Variants in IQGAP2 observed in about 807,000 individuals in gnomAD.
IQGAP2 encodes the protein ras GTPase-activating-like protein IQGAP2.
A neutral mutation model predicts 201.3 loss-of-function variants in IQGAP2; 173 were observed. The observed-to-expected ratio is 0.86, with a 90% confidence interval of 0.76 to 0.98. The LOEUF is 0.98. IQGAP2 is among the 50% of genes least tolerant of loss of function. IQGAP2 has a pLI of 0.00. For synonymous variants in IQGAP2, 675 were observed against 673.9 expected (o/e 1.00, Z -0.03); for missense variants, 1,687 against 1,864.8 (o/e 0.90, Z 1.76).
intron 29 of IQGAP2, 40 bp from the exon 30 acceptor site, chr5:76,683,736 G>A: frequency 6.3e-7 from 1 of 1,577,080 alleles, no homozygotes; most frequent in Admixed American, 1.8e-5. Context: ...TCATCACAAA[G>A]AGTGAATTGG....
intron 2 of IQGAP2, among the ~76,000 whole-genome samples, chr5:76,526,327 C>T (rs968627543): frequency 1.3e-5 from 2 of 152,196 alleles, no homozygotes; most frequent in Non-Finnish European, 2.9e-5. Flanking sequence ...ACACTTGCTA[C>T]ACTTGCTGAG....
At chr5:76,489,861 C>G (rs1032496921) in intron 2 of IQGAP2, among the ~76,000 whole-genome samples, 1 of 152,174 alleles carries the variant, frequency 6.6e-6, no homozygotes, top group Non-Finnish European at 1.5e-5. Context: ...TTTCTCATTT[C>G]CCTTTTCACC....
intron 5 of IQGAP2, among the ~76,000 whole-genome samples, chr5:76,576,392 T>C (rs2150283020): frequency 6.6e-6 from 1 of 152,348 alleles, no homozygotes; most frequent in East Asian, 1.9e-4. Context: ...GATTACATTT[T>C]ATCTTATTGG....
In IQGAP2 at chr5:76,609,311, A is replaced by G. The variant is rs191275612; in HGVS notation, c.1358-1709A>G. ...ATGCACTCCAGTTTATAAATCCTAT[A>G]GGGTAAAACGACAGTACCTTGTATA... On this transcript the variant is annotated intron_variant, in intron 12 of 35. Transcript: ENST00000274364. 52 of 1,374,660 alleles carry G rather than the reference A, an allele frequency of 3.8e-5. No individual in the cohort carries two copies. The African/African-American group carries it at 7.3e-4, about 19-fold the overall frequency. 85.2% of individuals were successfully genotyped at this position (1,374,660 alleles called of 1,614,324 possible).
intron 1 of IQGAP2, among the ~76,000 whole-genome samples, chr5:76,429,435 G>T (rs543387750): frequency 1.3e-5 from 2 of 151,022 alleles, no homozygotes; most frequent in Admixed American, 1.3e-4. Flanking sequence ...AGCCAGGCGT[G>T]GTGGTGGGTG....
intron 1 of IQGAP2, among the ~76,000 whole-genome samples, chr5:76,426,837 T>C (rs967541595): frequency 6.6e-6 from 1 of 151,918 alleles, no homozygotes; most frequent in Non-Finnish European, 1.5e-5. Context: ...CCCCTGCCCC[T>C]CCATCCTTGG....
chr5:76,461,486 A>G (rs745422486), intron 1 of IQGAP2, 84 bp from the exon 2 acceptor site: 5 of 848,296 alleles, frequency 5.9e-6, no homozygotes, highest in Middle Eastern at 2.9e-4. Context: ...GTTCAGCTGC[A>G]TATGATTTTT....
intron 2 of IQGAP2, among the ~76,000 whole-genome samples, chr5:76,554,419 A>G (rs1347155527): frequency 2.0e-5 from 3 of 152,180 alleles, no homozygotes; most frequent in African/African-American, 7.2e-5. Context: ...TCATATACCA[A>G]ATAAGAATCT....
At chr5:76,596,703 G>A (rs377390902) in intron 9 of IQGAP2, among the ~76,000 whole-genome samples, 1 of 152,166 alleles carries the variant, frequency 6.6e-6, no homozygotes, top group African/African-American at 2.4e-5. Flanking sequence ...AGAGAAGGGG[G>A]AAGCGTTACA....
chr5:76,664,552 G>A (rs962654330), intron 21 of IQGAP2, among the ~76,000 whole-genome samples: 8 of 152,108 alleles, frequency 5.3e-5, no homozygotes, highest in Admixed American at 2.0e-4. Flanking sequence ...GTGTGGAGGC[G>A]CGTGCCTGTA....
chr5:76,490,030 T>C (rs913010890), intron 2 of IQGAP2, among the ~76,000 whole-genome samples: 1 of 152,244 alleles, frequency 6.6e-6, no homozygotes, highest in African/African-American at 2.4e-5. Context: ...CTCACCATGG[T>C]ATTTCAAATG....
intron 1 of IQGAP2, among the ~76,000 whole-genome samples, chr5:76,428,658 C>T (rs1326934491): frequency 6.8e-6 from 1 of 148,132 alleles, no homozygotes; most frequent in African/African-American, 2.5e-5. Flanking sequence ...GTCTCAAACT[C>T]CTGACCTCAA....
intron 2 of IQGAP2, 30 bp downstream of exon 2, chr5:76,461,699 C>T: frequency 3.4e-6 from 5 of 1,484,262 alleles, no homozygotes; most frequent in Non-Finnish European, 4.7e-6. Context: ...TATTTGTGCA[C>T]CATCTCTTGG....
At chr5:76,554,000 A>G (rs12519473) in intron 2 of IQGAP2, among the ~76,000 whole-genome samples, 9,853 of 152,260 alleles carry the variant, frequency 0.065, 735 homozygotes, top group East Asian at 0.43. Context: ...TACTATCTGT[A>G]CATAAGTCAT....
At position 76,419,676 on chromosome 5, in the gene IQGAP2, T is replaced by A. The variant is rs555633742; in HGVS notation, c.46+16085T>A. On this transcript the variant is annotated intron_variant, in intron 1 of 35. Coordinates refer to ENST00000274364, the MANE Select transcript of IQGAP2 (RefSeq NM_006633.5). Reference sequence around the variant, plus strand: ...CTTTTTCTTTTTCTTTTCTTTTCTTTTTTTTTTTTTGTGTTTTAAACACTT... The same window carrying A: ...CTTTTTCTTTTTCTTTTCTTTTCTTATTTTTTTTTTGTGTTTTAAACACTT... 2.7e-5 allele frequency among the ~76,000 whole-genome samples: 4 copies of A among 150,186 alleles called. No individual in the cohort carries two copies. The East Asian group carries it at 5.8e-4, about 22-fold the overall frequency.
At chr5:76,649,552 G>A (rs1463470413) in intron 17 of IQGAP2, among the ~76,000 whole-genome samples, 1 of 152,188 alleles carries the variant, frequency 6.6e-6, no homozygotes, top group Non-Finnish European at 1.5e-5. Flanking sequence ...TTTTAAAGTT[G>A]ACAGTTGAAG....
chr5:76,707,229 A>T lies in IQGAP2; in HGVS notation c.4644A>T (p.Val1548=). The change falls in exon 36 of 36, where the codon GTA becomes GTT. Residue 1548 remains valine, a synonymous_variant. Transcript: ENST00000274364. ...QDLLQMQYEG[V]AVMKMFDKVK... ...TACTTCAGATGCAATATGAAGGAGT[A>T]GCTGTAATGAAAATGTTTGATAAGG... The T allele has an allele frequency of 6.5e-7, 1 of 1,529,974 alleles. No homozygotes were observed. The highest frequency in any genetic ancestry group is 9.1e-7 in the Non-Finnish European group (1 of 1,103,588). The allele number at this position is 1,529,974 out of a possible 1,614,324, so 94.8% of individuals were successfully genotyped here. A position where few individuals can be genotyped will look rare whatever the true frequency, so the allele number is the denominator to read the frequency against.
intron 2 of IQGAP2, among the ~76,000 whole-genome samples, chr5:76,526,284 C>A (rs1291339226): frequency 6.6e-6 from 1 of 152,152 alleles, no homozygotes; most frequent in Non-Finnish European, 1.5e-5. Context: ...GGTCTTCTGG[C>A]CAGATTTCTT....
chr5:76,467,087 C>T (rs1754822058), intron 2 of IQGAP2, among the ~76,000 whole-genome samples: 1 of 151,830 alleles, frequency 6.6e-6, no homozygotes, highest in Non-Finnish European at 1.5e-5. Context: ...CCCATCGCTA[C>T]AAAAAAATAG....
Sources: gnomAD v4.1 joint callset for allele counts (sites outside exome capture counted in the v4.1 genomes callset) on GRCh38, gnomAD v4.1.1 for gene constraint, MANE v1.5 for transcripts, NCBI Gene and HGNC (gene_info 2026-07-23, HGNC 2026-07-21) for gene names.